Variants in SRP72 observed in about 807,000 individuals in gnomAD.
SRP72 encodes signal recognition particle subunit SRP72.
In SRP72, 49 loss-of-function variants were observed where a neutral mutation model predicts 96.3. The ratio of observed to expected loss-of-function variants is 0.51; its 90% CI spans 0.40 to 0.65. The LOEUF (loss-of-function observed/expected upper bound fraction) is 0.65, where lower values mean the gene tolerates loss of function less well. Ranked by LOEUF, SRP72 falls within the 30% of genes least tolerant of loss-of-function variation. The pLI is 0.00. For synonymous variants in SRP72, 267 were observed against 275.2 expected (o/e 0.97, Z 0.30); for missense variants, 736 against 793.3 (o/e 0.93, Z 0.87).
intron 10 of SRP72, among the ~76,000 whole-genome samples, chr4:56,485,400 C>CCA (rs766330733): frequency 0.17 from 15,328 of 92,290 alleles, 1,049 homozygotes; most frequent in Admixed American, 0.29. Flanking sequence ...CTCCCCACAG[C>CCA]AAAAAAAAAA....
At chr4:56,467,895 G>T (rs1220110473) in intron 1 of SRP72, 151 bp downstream of exon 1, 24 of 802,756 alleles carry the variant, frequency 3.0e-5, no homozygotes, top group Admixed American at 4.3e-5. Context: ...GGGCCCTAGC[G>T]CCCGGAAGAC....
chr4:56,474,003 G>A, intron 3 of SRP72, 51 bp from the exon 4 acceptor site: 3 of 1,567,822 alleles, frequency 1.9e-6, no homozygotes, highest in Non-Finnish European at 2.6e-6. Flanking sequence ...TGATATTAAA[G>A]ACATAACACC....
At chr4:56,476,764 G>A (rs1052809656) in intron 6 of SRP72, 62 bp downstream of exon 6, 4 of 1,542,312 alleles carry the variant, frequency 2.6e-6, no homozygotes, top group African/African-American at 1.4e-5. Flanking sequence ...GATTACTGAG[G>A]CTTCATTGTA....
At chr4:56,487,890 AT>A (rs919080856) in intron 11 of SRP72, 58 bp from the exon 12 acceptor site, 278 of 1,321,522 alleles carry the variant, frequency 2.1e-4, no homozygotes, top group East Asian at 4.1e-4. Flanking sequence ...AATTTCTTGT[AT>A]TTTTTTTTCA....
rs749695213 is a variant in SRP72 at position 56,501,712 on chromosome 4, C to T, written c.1867C>T (p.Pro623Ser). The stretch of plus-strand genomic sequence containing the variant: ...TGCCAGTAAAACTGTGAGCAGCCCA[C>T]CCACCTCCCCAAGACCTGGCAGTGC... ...LDASKTVSSP[P>S]TSPRPGSAAT... The change falls in exon 19 of 19, where the codon CCC (proline) becomes TCC (serine). Residue 623 changes from proline (P) to serine (S), a missense_variant. By Grantham distance (74) the Pro-to-Ser change is moderately conservative (BLOSUM62 -1). Transcript: ENST00000642900. The T allele has an allele frequency of 1.2e-6, 2 of 1,614,024 alleles. No individual in the cohort carries two copies. Among genetic ancestry groups the T allele is most frequent in the Non-Finnish European group, 1.7e-6 (2 of 1,179,986 alleles).
intron 6 of SRP72, among the ~76,000 whole-genome samples, chr4:56,477,726 C>T (rs1720304019): frequency 6.6e-6 from 1 of 152,132 alleles, no homozygotes; most frequent in African/African-American, 2.4e-5. Context: ...AGTGTTGGGT[C>T]ATTAAAGGAC....
Position 56,501,836 on chromosome 4 carries a change from A to C in SRP72, c.1991A>C (p.Lys664Thr). The change falls in exon 19 of 19, where the codon AAG becomes ACG. Residue 664 changes from lysine (K) to threonine (T), a missense_variant. Lys to Thr is a moderately conservative substitution (Grantham distance 78). This residue lies in a region of SRP72 where 388 missense variants were observed against 431.8 expected (regional missense o/e 0.90). Transcript: ENST00000642900. ...ATKKKQQQKK[K>T]KGGKGGW is the part of the protein sequence containing the mutation. ...AAAAAGAAACAGCAACAGAAAAAGA[A>C]GAAAGGTGGAAAAGGTGGCTGGTGA... 6.2e-7 allele frequency: 1 copy of C among 1,614,172 alleles called. No homozygotes were observed. Among genetic ancestry groups the C allele is most frequent in the South Asian group, 1.1e-5 (1 of 91,076 alleles).
chr4:56,495,637 A>G (rs1179941243), intron 17 of SRP72, among the ~76,000 whole-genome samples: 1 of 152,216 alleles, frequency 6.6e-6, no homozygotes, highest in Non-Finnish European at 1.5e-5. Context: ...TATTTAATAT[A>G]CCTGCCAGAG....
intron 8 of SRP72, among the ~76,000 whole-genome samples, 182 bp downstream of exon 8, chr4:56,478,831 T>G (rs1360068329): frequency 6.6e-6 from 1 of 152,192 alleles, no homozygotes; most frequent in Non-Finnish European, 1.5e-5. Flanking sequence ...CTGCAAGGTA[T>G]ACTCAAGTAA....
intron 13 of SRP72, 62 bp from the exon 14 acceptor site, chr4:56,490,258 TCTAATGAATATAA>T: frequency 1.0e-5 from 12 of 1,157,784 alleles, no homozygotes; most frequent in Non-Finnish European, 1.5e-5. Flanking sequence ...TTCTTAAAGG[TCTAATGAATATAA>T]CTGCATGCAC....
In SRP72 at chr4:56,477,815, G is replaced by A. The variant is rs1305074509; in HGVS notation, c.643-564G>A. Among the ~76,000 whole-genome samples the A allele has an allele frequency of 2.6e-5, 4 of 152,078 alleles. No homozygotes were observed. The East Asian group carries it at 5.8e-4, about 22-fold the overall frequency. ...GAAATGTGGATTAATCTGGAGCATC[G>A]GTTAAGAGAGCTACTACTTTAATTA... On this transcript the variant is annotated intron_variant, in intron 6 of 18. Coordinates refer to ENST00000642900, the MANE Select transcript of SRP72 (RefSeq NM_006947.4).
At chr4:56,497,184 C>T (rs1351742449) in intron 17 of SRP72, among the ~76,000 whole-genome samples, 1 of 151,038 alleles carries the variant, frequency 6.6e-6, no homozygotes, top group Non-Finnish European at 1.5e-5. Flanking sequence ...TTAATAGATG[C>T]ACTTCACTTT....
chr4:56,476,803 C>T, intron 6 of SRP72, 101 bp downstream of exon 6: 2 of 1,219,226 alleles, frequency 1.6e-6, no homozygotes, highest in Non-Finnish European at 2.3e-6. Flanking sequence ...TAGAAGATGG[C>T]AATTCATTAA....
At chr4:56,498,095 AT>A (rs1721140886) in intron 17 of SRP72, among the ~76,000 whole-genome samples, 1 of 152,008 alleles carries the variant, frequency 6.6e-6, no homozygotes, top group Non-Finnish European at 1.5e-5. Context: ...TTAGAAATAT[AT>A]TTTTTACTAA....
intron 1 of SRP72, 113 bp downstream of exon 1, chr4:56,467,857 A>C (rs1437594085): frequency 2.5e-5 from 26 of 1,031,044 alleles, no homozygotes; most frequent in African/African-American, 2.4e-4. Flanking sequence ...GACCCCCGAA[A>C]CCCCCCCGTC....
At chr4:56,469,882 TC>T (rs1719898715) in intron 2 of SRP72, 109 bp downstream of exon 2, 1 of 1,120,006 alleles carries the variant, frequency 8.9e-7, no homozygotes, top group East Asian at 2.8e-5. Flanking sequence ...AACGTTTTTT[TC>T]CTTCCTTTTT....
intron 18 of SRP72, among the ~76,000 whole-genome samples, chr4:56,501,112 A>T (rs1032227244): frequency 1.3e-5 from 2 of 152,212 alleles, no homozygotes; most frequent in Non-Finnish European, 2.9e-5. Context: ...AGGTTATTTT[A>T]AAAAATTTTT....
intron 15 of SRP72, 102 bp downstream of exon 15, chr4:56,490,747 T>A: frequency 1.0e-6 from 1 of 965,120 alleles, no homozygotes; most frequent in Non-Finnish European, 1.5e-6. Flanking sequence ...AAACTGCAAC[T>A]AACAAATCCT....
At chr4:56,500,448 T>C (rs2110134055) in intron 17 of SRP72, 88 bp from the exon 18 acceptor site, 1 of 1,304,818 alleles carries the variant, frequency 7.7e-7, no homozygotes. Context: ...TTTAATGTTA[T>C]TTATTCCCAG....
Sources: gnomAD v4.1 joint callset for allele counts (sites outside exome capture counted in the v4.1 genomes callset) on GRCh38, gnomAD v4.1.1 for gene constraint, gnomAD v4.1.1 regional missense constraint, MANE v1.5 for transcripts, NCBI Gene and HGNC (gene_info 2026-07-23, HGNC 2026-07-21) for gene names.